The following SORCS2 variants were observed in gnomAD, a reference collection of about 807,000 sequenced individuals.
The protein encoded by SORCS2 is VPS10 domain-containing receptor SorCS2.
Under a neutral mutation model 141.6 loss-of-function variants are expected in SORCS2, and 100 were observed. The observed-to-expected ratio is 0.71, with a 90% CI of 0.60 to 0.83. SORCS2 has a LOEUF of 0.83. SORCS2 is among the 40% of genes least tolerant of loss of function. SORCS2 has a pLI of 0.00. For synonymous variants in SORCS2, 789 were observed against 676.9 expected (o/e 1.17, Z -2.57); for missense variants, 1,646 against 1,560.2 (o/e 1.05, Z -0.93).
intron 1 of SORCS2, among the ~76,000 whole-genome samples, chr4:7,254,129 G>A (rs1468572090): frequency 1.3e-5 from 2 of 152,182 alleles, no homozygotes; most frequent in Non-Finnish European, 2.9e-5. Context: ...TTCTCAAAGT[G>A]CTAAAAATAG....
intron 3 of SORCS2, among the ~76,000 whole-genome samples, chr4:7,575,770 A>G (rs1467563846): frequency 6.6e-6 from 1 of 152,210 alleles, no homozygotes; most frequent in Non-Finnish European, 1.5e-5. Context: ...CATCAGGATC[A>G]GAGAGGTTAA....
At chr4:7,330,033 G>C (rs1404556730) in intron 1 of SORCS2, among the ~76,000 whole-genome samples, 1 of 151,886 alleles carries the variant, frequency 6.6e-6, no homozygotes, top group Non-Finnish European at 1.5e-5. Context: ...GGCTCTAGGG[G>C]AAAATCTGGT....
chr4:7,362,561 G>A (rs1311129893), intron 1 of SORCS2, among the ~76,000 whole-genome samples: 1 of 152,120 alleles, frequency 6.6e-6, no homozygotes, highest in African/African-American at 2.4e-5. Flanking sequence ...AAATGTGTTG[G>A]TGCTGAAGGC....
intron 26 of SORCS2, among the ~76,000 whole-genome samples, chr4:7,739,763 C>T (rs986613843): frequency 1.2e-4 from 18 of 152,166 alleles, no homozygotes; most frequent in South Asian, 2.1e-4. Flanking sequence ...CCGGGACACC[C>T]GGCTCACCCC....
At chr4:7,490,831 C>T (rs2109399935) in intron 2 of SORCS2, among the ~76,000 whole-genome samples, 1 of 152,226 alleles carries the variant, frequency 6.6e-6, no homozygotes, top group South Asian at 2.1e-4. Flanking sequence ...TGCACTCCTC[C>T]CAGGCCTGCT....
chr4:7,609,689 G>A (rs1027926386), intron 3 of SORCS2, among the ~76,000 whole-genome samples: 14 of 152,250 alleles, frequency 9.2e-5, no homozygotes, highest in African/African-American at 1.4e-4. Context: ...GAAGGTGGAC[G>A]TGAGCTCCAG....
chr4:7,659,980 C>T (rs898535323), intron 5 of SORCS2, among the ~76,000 whole-genome samples: 2 of 152,188 alleles, frequency 1.3e-5, no homozygotes, highest in African/African-American at 4.8e-5. Context: ...TCTGTTTTCA[C>T]CTGTCTGGGC....
At chr4:7,513,651 AC>A (rs1732797998) in intron 2 of SORCS2, among the ~76,000 whole-genome samples, 1 of 151,944 alleles carries the variant, frequency 6.6e-6, no homozygotes, top group Non-Finnish European at 1.5e-5. Flanking sequence ...TCCCTGCAGT[AC>A]CCCAAACCCA....
intron 3 of SORCS2, among the ~76,000 whole-genome samples, chr4:7,599,524 G>C (rs992118964): frequency 6.6e-6 from 1 of 152,212 alleles, no homozygotes; most frequent in African/African-American, 2.4e-5. Context: ...CCCCATGCCT[G>C]GATCACGAAG....
chr4:7,739,655 G>T (rs533021955), intron 26 of SORCS2, among the ~76,000 whole-genome samples: 2 of 152,130 alleles, frequency 1.3e-5, no homozygotes, highest in East Asian at 1.9e-4. Context: ...GGGCTGTGCC[G>T]CGGGTGCTCC....
intron 1 of SORCS2, among the ~76,000 whole-genome samples, chr4:7,216,590 T>C (rs912153115): frequency 6.6e-6 from 1 of 152,056 alleles, no homozygotes; most frequent in Non-Finnish European, 1.5e-5. Context: ...CATCCAGAGG[T>C]GCCCACATGC....
chr4:7,597,986 T>A (rs34801060), intron 3 of SORCS2, among the ~76,000 whole-genome samples: 32 of 146,910 alleles, frequency 2.2e-4, no homozygotes, highest in African/African-American at 6.1e-4. Context: ...TTTTTTTTTT[T>A]AATATGGAGT....
At chr4:7,235,044 A>G (rs542322085) in intron 1 of SORCS2, among the ~76,000 whole-genome samples, 60 of 152,326 alleles carry the variant, frequency 3.9e-4, no homozygotes, top group African/African-American at 1.4e-3. Context: ...GAGGCTGAGC[A>G]TCTGGAGCTG....
intron 1 of SORCS2, among the ~76,000 whole-genome samples, chr4:7,225,096 C>T (rs1728920948): frequency 6.6e-6 from 1 of 152,202 alleles, no homozygotes; most frequent in African/African-American, 2.4e-5. Flanking sequence ...GCAGTATTGC[C>T]TCCTCCATGT....
chr4:7,407,673 C>T (rs972222925), intron 2 of SORCS2, among the ~76,000 whole-genome samples: 49 of 152,078 alleles, frequency 3.2e-4, no homozygotes, highest in African/African-American at 1.1e-3. Flanking sequence ...AGGTCACTTA[C>T]ATTCAGTACT....
chr4:7,574,387 A>G (rs568727724), intron 3 of SORCS2, among the ~76,000 whole-genome samples: 15 of 152,326 alleles, frequency 9.8e-5, no homozygotes, highest in African/African-American at 2.6e-4. Context: ...AACATAGAAA[A>G]CAGGGAGTTG....
At chr4:7,415,566 C>T (rs1725609612) in intron 2 of SORCS2, among the ~76,000 whole-genome samples, 1 of 152,202 alleles carries the variant, frequency 6.6e-6, no homozygotes, top group Non-Finnish European at 1.5e-5. Flanking sequence ...GGTCCTTAAT[C>T]AGACCTGCAA....
intron 2 of SORCS2, among the ~76,000 whole-genome samples, chr4:7,521,990 C>T (rs1432020148): frequency 6.6e-6 from 1 of 152,230 alleles, no homozygotes; most frequent in Non-Finnish European, 1.5e-5. Context: ...ACAGGCAGTG[C>T]CACCTGCCCA....
intron 2 of SORCS2, chr4:7,431,964 T>A (rs974640363): frequency 6.6e-6 from 1 of 152,152 alleles, no homozygotes; most frequent in African/African-American, 2.4e-5. Flanking sequence ...CCGGGACTCA[T>A]GTGTGCGGCT....
Sources: gnomAD v4.1 joint callset for allele counts (sites outside exome capture counted in the v4.1 genomes callset) on GRCh38, gnomAD v4.1.1 for gene constraint, MANE v1.5 for transcripts, NCBI Gene and HGNC (gene_info 2026-07-23, HGNC 2026-07-21) for gene names.